Variants in PCSK5 observed in about 807,000 individuals in gnomAD.
The protein encoded by PCSK5 is prohormone convertase 5.
Under a neutral mutation model 233.2 loss-of-function variants are expected in PCSK5, and 129 were observed. The ratio of observed to expected loss-of-function variants is 0.55; its 90% CI spans 0.48 to 0.64. PCSK5 has a LOEUF of 0.64. Ranked by LOEUF, PCSK5 falls within the 30% of genes least tolerant of loss-of-function variation. The probability of loss-of-function intolerance (pLI) is 0.00; values close to 1 mark genes in which losing one functional copy is unlikely to be tolerated. For missense variants in PCSK5, 2,076 were observed against 2,430.1 expected, an observed-to-expected ratio of 0.85 and a Z score of 3.06; for synonymous variants, 825 against 879.2, an observed-to-expected ratio of 0.94 and a Z score of 1.09.
chr9:76,193,165 C>T (rs1010490726), intron 20 of PCSK5: 4 of 1,370,098 alleles, frequency 2.9e-6, no homozygotes, highest in African/African-American at 2.9e-5. Context: ...CAATCACAAC[C>T]TTCTTCCATG....
At chr9:76,140,859 G>A (rs75458333) in intron 10 of PCSK5, among the ~76,000 whole-genome samples, 8,522 of 152,092 alleles carry the variant, frequency 0.056, 332 homozygotes, top group Middle Eastern at 0.099. Flanking sequence ...GATATACAGT[G>A]TAAATCTGTG....
intron 35 of PCSK5, among the ~76,000 whole-genome samples, chr9:76,346,969 C>G (rs1829997321): frequency 6.6e-6 from 1 of 152,120 alleles, no homozygotes; most frequent in Non-Finnish European, 1.5e-5. Context: ...CATACTCAGG[C>G]TTAATATGTA....
rs117081743 is a variant in PCSK5, at chr9:75,903,303, T to A, written c.192+11930T>A. Among the ~76,000 whole-genome samples, 119 of 152,176 alleles carry A rather than the reference T, an allele frequency of 7.8e-4. No homozygotes were observed. In the East Asian group the frequency reaches 0.015, roughly 19 times the overall value. On this transcript the variant is annotated intron_variant, in intron 1 of 37. Coordinates refer to ENST00000674117, the MANE Select transcript of PCSK5 (RefSeq NM_001372043.1). Reference sequence around the variant, plus strand: ...CTCTATATAATAGATTAATCTTGTTTACATTTGTATGGTAATCTGATTGTT... The same window carrying A: ...CTCTATATAATAGATTAATCTTGTTAACATTTGTATGGTAATCTGATTGTT...
chr9:76,328,673 C>T lies in PCSK5; in HGVS notation c.4570+434C>T, dbSNP rs78545266. Among the ~76,000 whole-genome samples the T allele has an allele frequency of 8.5e-3, 1,289 of 152,228 alleles. 11 individuals are homozygous for T. Among genetic ancestry groups the T allele is most frequent in the African/African-American group, 0.029 (1,220 of 41,520 alleles). ...GATTAGTGATATTTTCTTACATAAC[C>T]GCAGGATAGTTATCAACTCTAATAA... On this transcript the variant is annotated intron_variant, in intron 33 of 37. Transcript: ENST00000674117.
At chr9:76,148,238 C>T (rs10869711) in intron 10 of PCSK5, among the ~76,000 whole-genome samples, 52,465 of 150,572 alleles carry the variant, frequency 0.35, 9,918 homozygotes, top group East Asian at 0.6. Flanking sequence ...TGCAAAGATA[C>T]AGCCCTGGTT....
At chr9:76,216,668 A>G (rs760401867) in intron 20 of PCSK5, among the ~76,000 whole-genome samples, 17 of 152,182 alleles carry the variant, frequency 1.1e-4, no homozygotes, top group Admixed American at 2.0e-4. Flanking sequence ...GTCAAAGGGA[A>G]GGGGGCTGCC....
At chr9:76,095,252 CAGTT>C (rs1824591239) in intron 7 of PCSK5, among the ~76,000 whole-genome samples, 5 of 152,204 alleles carry the variant, frequency 3.3e-5, no homozygotes, top group Admixed American at 2.6e-4. Context: ...AAGAAGTACA[CAGTT>C]AGTACTTGCT....
intron 24 of PCSK5, among the ~76,000 whole-genome samples, chr9:76,282,074 T>TC (rs1384251471): frequency 2.3e-4 from 32 of 138,732 alleles, no homozygotes; most frequent in Admixed American, 7.2e-4. Flanking sequence ...CTTTTTTTTT[T>TC]TCCCCACTCT....
At chr9:75,904,009 A>G (rs994731569) in intron 1 of PCSK5, among the ~76,000 whole-genome samples, 3 of 152,158 alleles carry the variant, frequency 2.0e-5, no homozygotes, top group Non-Finnish European at 4.4e-5. Context: ...CTTAGGATTT[A>G]TTACAGGCTA....
At chr9:75,979,738 CA>C (rs2131380027) in intron 2 of PCSK5, among the ~76,000 whole-genome samples, 1 of 152,326 alleles carries the variant, frequency 6.6e-6, no homozygotes, top group African/African-American at 2.4e-5. Context: ...TCTCATTATT[CA>C]AAATTCTATT....
chr9:76,119,957 C>G (rs1258102312), intron 9 of PCSK5, among the ~76,000 whole-genome samples: 1 of 152,030 alleles, frequency 6.6e-6, no homozygotes, highest in African/African-American at 2.4e-5. Flanking sequence ...CCATCACCAC[C>G]CTTCCCAGCC....
chr9:76,233,324 A>T, intron 21 of PCSK5, 136 bp from the exon 22 acceptor site: 1 of 798,176 alleles, frequency 1.3e-6, no homozygotes, highest in Non-Finnish European at 2.0e-6. Context: ...TAAGATGATC[A>T]CTCCCAGGCA....
rs1163984112 is a variant in PCSK5 at position 76,121,969 on chromosome 9, G to T, written c.1209-12140G>T. ...CTCCCAAGTAGCAGGGACTACAGGC[G>T]CCCGCCACTACGCCCGGCTAATTTT... On this transcript the variant is annotated intron_variant, in intron 9 of 37. Transcript: ENST00000674117. Among the ~76,000 whole-genome samples the T allele has an allele frequency of 4.8e-5, 5 of 103,876 alleles. 1 individual carries two copies. Among genetic ancestry groups the T allele is most frequent in the African/African-American group, 9.5e-5 (3 of 31,640 alleles). The allele number at this position is 103,876 out of a possible 152,430, so 68.1% of individuals were successfully genotyped here. A position where few individuals can be genotyped will look rare whatever the true frequency, so the allele number is the denominator to read the frequency against.
Position 76,159,055 on chromosome 9 carries a change from T to A in PCSK5, c.1503T>A (p.His501Gln), listed in dbSNP as rs147263862. 1 of 1,614,136 alleles carries A rather than the reference T, an allele frequency of 6.2e-7. No individual in the cohort carries two copies. Among genetic ancestry groups the A allele is most frequent in the Non-Finnish European group, 8.5e-7 (1 of 1,179,996 alleles). Residue 501 changes from histidine to glutamine, a missense_variant, in exon 12 of 38, where the codon CAT becomes CAA. Around this residue, in one of 6 missense-constraint regions of PCSK5, gnomAD observed 64 missense variants for 68.6 expected, o/e 0.93. Coordinates refer to ENST00000674117, the MANE Select transcript of PCSK5 (RefSeq NM_001372043.1). ...ASGCSDNPNR[H>Q]VNYLEHVVVR... The stretch of plus-strand genomic sequence containing the variant: ...GCTGCTCGGATAACCCCAACCGCCA[T>A]GTCAACTACCTGGAGCACGTCGTTG...
At chr9:76,025,895 A>T (rs1373972335) in intron 4 of PCSK5, among the ~76,000 whole-genome samples, 2 of 152,210 alleles carry the variant, frequency 1.3e-5, no homozygotes, top group Non-Finnish European at 2.9e-5. Context: ...TATGAAAAAT[A>T]GCTCTAACTG....
At chr9:75,997,719 A>C (rs1025956992) in intron 3 of PCSK5, among the ~76,000 whole-genome samples, 2 of 152,212 alleles carry the variant, frequency 1.3e-5, no homozygotes, top group African/African-American at 4.8e-5. Flanking sequence ...GACAGTCAAA[A>C]ATGCATTCAC....
intron 7 of PCSK5, among the ~76,000 whole-genome samples, chr9:76,082,986 A>T (rs918694927): frequency 7.9e-5 from 12 of 152,066 alleles, no homozygotes; most frequent in Admixed American, 3.9e-4. Flanking sequence ...AGGCGGGTGG[A>T]TCACTTGCAG....
At chr9:75,961,957 C>A (rs912871699) in intron 2 of PCSK5, among the ~76,000 whole-genome samples, 1 of 152,218 alleles carries the variant, frequency 6.6e-6, no homozygotes, top group African/African-American at 2.4e-5. Context: ...ATCCCCGGCG[C>A]TGTGCTCACC....
chr9:76,168,867 C>T (rs988289462), intron 12 of PCSK5, among the ~76,000 whole-genome samples: 4 of 152,184 alleles, frequency 2.6e-5, no homozygotes, highest in Non-Finnish European at 5.9e-5. Context: ...GCCTCTTTTC[C>T]TCACTCCTCC....
Sources: allele counts gnomAD v4.1 joint callset (sites outside exome capture counted in the v4.1 genomes callset), GRCh38; gene constraint gnomAD v4.1.1; regional missense constraint gnomAD v4.1.1; transcripts MANE v1.5; gene names NCBI Gene and HGNC (gene_info 2026-07-23, HGNC 2026-07-21).